The following TNFAIP8 variants were observed in gnomAD, a reference collection of about 807,000 sequenced individuals.
The protein encoded by TNFAIP8 is TNF alpha induced protein 8, also known as tumor necrosis factor alpha-induced protein 8.
Under a neutral mutation model 13.3 loss-of-function variants are expected in TNFAIP8, and 7 were observed. That is an observed-to-expected ratio of 0.52 (90% CI 0.30 to 0.99). TNFAIP8 has a LOEUF of 0.99. Among genes scored for constraint, TNFAIP8 ranks in the 50% least tolerant of loss-of-function variants. The pLI, the probability that TNFAIP8 is intolerant of heterozygous loss-of-function variation, is 0.07. For missense variants in TNFAIP8, 258 were observed against 236.9 expected, an observed-to-expected ratio of 1.09 and a Z score of -0.58; for synonymous variants, 94 against 87.6, an observed-to-expected ratio of 1.07 and a Z score of -0.41.
chr5:119,373,483 A>T (rs10039246), intron 1 of TNFAIP8, among the ~76,000 whole-genome samples: 3,959 of 152,270 alleles, frequency 0.026, 153 homozygotes, highest in African/African-American at 0.089. Flanking sequence ...CCTTCACCAG[A>T]GGAGGAGTAT....
chr5:119,327,073 T>C (rs201005953), intron 1 of TNFAIP8, among the ~76,000 whole-genome samples: 149 of 152,270 alleles, frequency 9.8e-4, no homozygotes, highest in Non-Finnish European at 1.4e-3. Context: ...CTTCCTCCTC[T>C]GTAAGAAAAG....
At chr5:119,336,011 CCAAA>C in intron 1 of TNFAIP8, among the ~76,000 whole-genome samples, 1 of 151,826 alleles carries the variant, frequency 6.6e-6, no homozygotes, top group Non-Finnish European at 1.5e-5. Context: ...GAAGAACTTT[CCAAA>C]CAGAGGGCAA....
At position 119,317,168 on chromosome 5, in the gene TNFAIP8, C is replaced by T. The variant is rs73235244; in HGVS notation, c.1+48261C>T. On this transcript the variant is annotated intron_variant, in intron 1 of 1. Coordinates refer to the TNFAIP8 transcript ENST00000274456. ...CCATCATGGAGGCCTGTCCTTGTGG[C>T]TGGTGCACCTCCTGGTTCCGATTTC... 6.4e-3 allele frequency among the ~76,000 whole-genome samples: 979 copies of T among 152,326 alleles called. 4 individuals carry two copies. Among genetic ancestry groups the T allele is most frequent in the African/African-American group, 0.022 (933 of 41,564 alleles).
At chr5:119,387,218 C>G (rs2112854480) in intron 1 of TNFAIP8, among the ~76,000 whole-genome samples, 1 of 152,256 alleles carries the variant, frequency 6.6e-6, no homozygotes, top group African/African-American at 2.4e-5. Flanking sequence ...TGGCCACTTT[C>G]TTATCACCAA....
chr5:119,370,324 CA>C (rs1562024250), intron 1 of TNFAIP8, among the ~76,000 whole-genome samples: 1 of 152,104 alleles, frequency 6.6e-6, no homozygotes, highest in East Asian at 1.9e-4. Context: ...AACAGAGAAA[CA>C]ATGCATGAAT....
At chr5:119,362,641 A>T (rs1034163578) in intron 1 of TNFAIP8, among the ~76,000 whole-genome samples, 88 of 152,122 alleles carry the variant, frequency 5.8e-4, no homozygotes, top group Admixed American at 1.7e-3. Flanking sequence ...CTACAAAAAA[A>T]ATTTAAAAAT....
At chr5:119,317,401 A>C (rs533536460) in intron 1 of TNFAIP8, among the ~76,000 whole-genome samples, 4 of 152,126 alleles carry the variant, frequency 2.6e-5, no homozygotes, top group African/African-American at 9.6e-5. Flanking sequence ...TATATAAGAA[A>C]TCTGATTCTA....
chr5:119,314,676 A>G (rs568138818), intron 1 of TNFAIP8, among the ~76,000 whole-genome samples: 1 of 152,328 alleles, frequency 6.6e-6, no homozygotes, highest in East Asian at 1.9e-4. Context: ...AGTGGTTAAA[A>G]GCATCAGCTT....
chr5:119,350,928 A>G (rs1751101784), intron 1 of TNFAIP8, among the ~76,000 whole-genome samples: 1 of 149,096 alleles, frequency 6.7e-6, no homozygotes, highest in South Asian at 2.2e-4. Context: ...TCCCTGACTT[A>G]CAATTTTTTA....
chr5:119,303,074 T>C (rs938482407), intron 1 of TNFAIP8, among the ~76,000 whole-genome samples: 9 of 152,130 alleles, frequency 5.9e-5, no homozygotes, highest in African/African-American at 1.9e-4. Flanking sequence ...TTCATGTGCC[T>C]AGTGCCCTGA....
At chr5:119,349,752 C>T (rs1427340034) in intron 1 of TNFAIP8, among the ~76,000 whole-genome samples, 2 of 152,218 alleles carry the variant, frequency 1.3e-5, no homozygotes, top group Non-Finnish European at 2.9e-5. Flanking sequence ...AATTGAATGG[C>T]TTCAGTTTAA....
At chr5:119,303,361 A>G (rs1749453326) in intron 1 of TNFAIP8, among the ~76,000 whole-genome samples, 1 of 152,186 alleles carries the variant, frequency 6.6e-6, no homozygotes, top group African/African-American at 2.4e-5. Flanking sequence ...TGTTATGCAG[A>G]AGGTGTTTCA....
At chr5:119,312,680 C>T (rs751166408) in intron 1 of TNFAIP8, among the ~76,000 whole-genome samples, 2 of 148,402 alleles carry the variant, frequency 1.3e-5, no homozygotes, top group South Asian at 2.2e-4. Context: ...AGGGTGGATC[C>T]CTTGAGCTCA....
chr5:119,356,679 AG>A (rs1026983909), intron 1 of TNFAIP8, among the ~76,000 whole-genome samples: 21 of 151,676 alleles, frequency 1.4e-4, no homozygotes, highest in African/African-American at 5.1e-4. Flanking sequence ...GAAAGATATG[AG>A]GGGGTCCTTG....
intron 1 of TNFAIP8, among the ~76,000 whole-genome samples, chr5:119,382,111 C>G (rs1223734308): frequency 4.6e-5 from 7 of 152,132 alleles, no homozygotes; most frequent in Non-Finnish European, 8.8e-5. Context: ...AGTAGGAATT[C>G]CACAGATCTG....
At chr5:119,325,068 TTAAAAAA>T (rs571495715) in intron 1 of TNFAIP8, among the ~76,000 whole-genome samples, 161 of 152,098 alleles carry the variant, frequency 1.1e-3, no homozygotes, top group African/African-American at 3.6e-3. Flanking sequence ...ACCCTGTCTC[TTAAAAAA>T]TAAAAAATAA....
At chr5:119,324,453 C>T (rs765633100) in intron 1 of TNFAIP8, among the ~76,000 whole-genome samples, 19 of 152,080 alleles carry the variant, frequency 1.2e-4, no homozygotes, top group Non-Finnish European at 2.4e-4. Context: ...CCAGTCACTG[C>T]TGAGTCACAG....
rs1290709166 is a variant in TNFAIP8 at position 119,394,072 on chromosome 5, G to A, written c.*691G>A. The A allele has an allele frequency of 6.6e-6, 1 of 152,184 alleles. No individual in the cohort carries two copies. The highest frequency in any genetic ancestry group is 1.9e-4 in the East Asian group (1 of 5,202). The allele number at this position is 152,184 out of a possible 1,614,324, so 9.4% of individuals were successfully genotyped here. A position where few individuals can be genotyped will look rare whatever the true frequency, so the allele number is the denominator to read the frequency against. The stretch of plus-strand genomic sequence containing the variant: ...TTAAATTTCTCAGAAATGTAATGGT[G>A]TGTCATTGCCTTGAAATGCTTGCTT... On this transcript the variant is annotated 3_prime_UTR_variant, in exon 2 of 2. Transcript: ENST00000504771.
Position 119,284,538 on chromosome 5 carries a change from C to T in TNFAIP8, c.1+15631C>T, listed in dbSNP as rs569061734. Among the ~76,000 whole-genome samples the T allele has an allele frequency of 1.3e-4, 20 of 152,018 alleles. No individual in the cohort carries two copies. In the South Asian group the frequency reaches 3.5e-3, roughly 27 times the overall value. ...TCTAATAAAAATACAAAAATTAGCCCGGCATGGTGGTGCACGCCTGTAGTC... is the reference window on the plus strand; with the variant it reads ...TCTAATAAAAATACAAAAATTAGCCTGGCATGGTGGTGCACGCCTGTAGTC... On this transcript the variant is annotated intron_variant, in intron 1 of 1. Transcript: ENST00000274456.
Sources: gnomAD v4.1 joint callset for allele counts (sites outside exome capture counted in the v4.1 genomes callset) on GRCh38, gnomAD v4.1.1 for gene constraint, MANE v1.5 for transcripts, NCBI Gene and HGNC (gene_info 2026-07-23, HGNC 2026-07-21) for gene names.